Variants in PDZRN3 observed in about 807,000 individuals in gnomAD.
PDZRN3 encodes E3 ubiquitin-protein ligase PDZRN3.
In PDZRN3, 38 loss-of-function variants were observed where a neutral mutation model predicts 85.7. The ratio of observed to expected loss-of-function variants is 0.44; its 90% CI spans 0.34 to 0.58. The LOEUF is 0.58. Ranked by LOEUF, PDZRN3 falls within the 20% of genes least tolerant of loss-of-function variation. The probability of loss-of-function intolerance (pLI) is 0.01; values close to 1 mark genes in which losing one functional copy is unlikely to be tolerated. For missense variants in PDZRN3, 1,629 were observed against 1,506.4 expected (o/e 1.08, Z -1.35); for synonymous variants, 759 against 638.0 (o/e 1.19, Z -2.86).
chr3:73,599,426 G>A (rs1411527031), intron 3 of PDZRN3, among the ~76,000 whole-genome samples: 2 of 152,210 alleles, frequency 1.3e-5, no homozygotes, highest in Non-Finnish European at 2.9e-5. Flanking sequence ...TAGGAGTTGA[G>A]GTGGGGAGGG....
intron 8 of PDZRN3, among the ~76,000 whole-genome samples, chr3:73,386,894 T>A (rs1176527741): frequency 6.6e-6 from 1 of 152,182 alleles, no homozygotes; most frequent in Non-Finnish European, 1.5e-5. Context: ...CTGATATGGT[T>A]TGGCTGTCCC....
chr3:73,390,525 T>C (rs1701499650), intron 6 of PDZRN3, among the ~76,000 whole-genome samples: 1 of 152,186 alleles, frequency 6.6e-6, no homozygotes, highest in Admixed American at 6.5e-5. Context: ...TTGTATTATC[T>C]TCTCAAGGAA....
chr3:73,503,280 CA>C (rs1704015157), intron 3 of PDZRN3, among the ~76,000 whole-genome samples: 1 of 152,122 alleles, frequency 6.6e-6, no homozygotes, highest in Admixed American at 6.5e-5. Context: ...CCTTTACAAG[CA>C]AATGTATAAG....
At chr3:73,577,333 C>A (rs1575747513) in intron 3 of PDZRN3, among the ~76,000 whole-genome samples, 2 of 152,180 alleles carry the variant, frequency 1.3e-5, no homozygotes, top group Non-Finnish European at 2.9e-5. Context: ...TTTTACATTG[C>A]AACCCCACAC....
chr3:73,455,813 G>T (rs1300956895), intron 3 of PDZRN3, among the ~76,000 whole-genome samples: 1 of 152,128 alleles, frequency 6.6e-6, no homozygotes, highest in Non-Finnish European at 1.5e-5. Context: ...TCTTCGCTAG[G>T]CCAACTGTCC....
chr3:73,393,805 A>T (rs1391143975), intron 5 of PDZRN3, among the ~76,000 whole-genome samples: 2 of 152,190 alleles, frequency 1.3e-5, no homozygotes, highest in African/African-American at 4.8e-5. Context: ...GTAGAAAACG[A>T]TTAGATTTAT....
At chr3:73,482,914 T>A (rs1413707649) in intron 3 of PDZRN3, among the ~76,000 whole-genome samples, 3 of 152,200 alleles carry the variant, frequency 2.0e-5, no homozygotes, top group African/African-American at 7.2e-5. Context: ...CTAGCTTTCA[T>A]CATTACATAT....
chr3:73,439,352 T>A (rs578112068), intron 3 of PDZRN3, among the ~76,000 whole-genome samples: 21 of 152,344 alleles, frequency 1.4e-4, no homozygotes, highest in African/African-American at 4.8e-4. Context: ...AGGTCAAGGC[T>A]GTAGACCTAA....
chr3:73,510,127 A>G (rs1704137187), intron 3 of PDZRN3, among the ~76,000 whole-genome samples: 1 of 152,114 alleles, frequency 6.6e-6, no homozygotes. Flanking sequence ...TAGATTTGCA[A>G]CCAGCTTGGT....
At chr3:73,478,839 C>A (rs1488839076) in intron 3 of PDZRN3, among the ~76,000 whole-genome samples, 2 of 152,166 alleles carry the variant, frequency 1.3e-5, no homozygotes, top group Non-Finnish European at 2.9e-5. Flanking sequence ...GGGGTTATAA[C>A]CCACAAGAGA....
intron 3 of PDZRN3, among the ~76,000 whole-genome samples, chr3:73,519,799 C>A (rs1308193677): frequency 6.6e-6 from 1 of 152,214 alleles, no homozygotes; most frequent in African/African-American, 2.4e-5. Flanking sequence ...GACCCCAGAA[C>A]TACTGACTCA....
At chr3:73,400,812 T>TGTTA (rs1336751509) in intron 5 of PDZRN3, 110 bp downstream of exon 5, 2 of 788,022 alleles carry the variant, frequency 2.5e-6, no homozygotes, top group Non-Finnish European at 4.5e-6. Flanking sequence ...GTTCTGCTTT[T>TGTTA]GTTACTTTCC....
At chr3:73,597,782 G>C (rs1304062394) in intron 3 of PDZRN3, among the ~76,000 whole-genome samples, 2 of 148,160 alleles carry the variant, frequency 1.3e-5, no homozygotes, top group African/African-American at 2.5e-5. Flanking sequence ...ATAATATATT[G>C]AACAGCACAT....
intron 3 of PDZRN3, among the ~76,000 whole-genome samples, chr3:73,435,475 T>C (rs1440279979): frequency 6.6e-6 from 1 of 152,158 alleles, no homozygotes; most frequent in Admixed American, 6.5e-5. Flanking sequence ...GGTCTCTTAA[T>C]CTCTAAATAA....
rs527565889 is a variant in PDZRN3 at position 73,477,029 on chromosome 3, T to C, written c.919-72634A>G. Among the ~76,000 whole-genome samples, 12 of 152,340 alleles carry C rather than the reference T, an allele frequency of 7.9e-5. No homozygotes were observed. The South Asian group carries it at 2.5e-3, about 32-fold the overall frequency. On this transcript the variant is annotated intron_variant, in intron 3 of 9. Transcript: ENST00000263666. ...TACAGTAACTACCATTGATACCATA[T>C]ATTTATTGAGTTCTTATAATGTATC...
chr3:73,549,279 T>C (rs549842167), intron 3 of PDZRN3, among the ~76,000 whole-genome samples: 3 of 152,220 alleles, frequency 2.0e-5, no homozygotes, highest in Non-Finnish European at 2.9e-5. Context: ...ATTTTCATGA[T>C]TACTATTCAT....
intron 3 of PDZRN3, among the ~76,000 whole-genome samples, chr3:73,525,940 G>C (rs1704512021): frequency 6.6e-6 from 1 of 152,160 alleles, no homozygotes; most frequent in Admixed American, 6.5e-5. Flanking sequence ...AGCTTCCTGA[G>C]GGCAGGGACC....
At chr3:73,526,973 T>C (rs7610886) in intron 3 of PDZRN3, among the ~76,000 whole-genome samples, 71,751 of 151,930 alleles carry the variant, frequency 0.47, 17,039 homozygotes, top group Middle Eastern at 0.55. Flanking sequence ...CTCAGCCTCC[T>C]GGGTAGCTGG....
At chr3:73,604,110 T>C (rs1461016399) in intron 2 of PDZRN3, among the ~76,000 whole-genome samples, 1 of 152,218 alleles carries the variant, frequency 6.6e-6, no homozygotes, top group Non-Finnish European at 1.5e-5. Context: ...AAGGCATCCC[T>C]GCCTAGCATC....
Sources: gnomAD v4.1 joint callset for allele counts (sites outside exome capture counted in the v4.1 genomes callset) on GRCh38, gnomAD v4.1.1 for gene constraint, MANE v1.5 for transcripts, NCBI Gene and HGNC (gene_info 2026-07-23, HGNC 2026-07-21) for gene names.